Variants in ASMTL observed in about 807,000 individuals in gnomAD.
ASMTL encodes acetylserotonin O-methyltransferase like, also known as probable bifunctional dTTP/UTP pyrophosphatase/methyltransferase protein.
In ASMTL, 57 loss-of-function variants were observed where a neutral mutation model predicts 60.3. The ratio of observed to expected loss-of-function variants is 0.95; its 90% CI spans 0.76 to 1.18. ASMTL has a LOEUF of 1.18. Among genes scored for constraint, ASMTL ranks in the 50% most tolerant of loss-of-function variants. The probability of loss-of-function intolerance (pLI) is 0.00; values close to 1 mark genes in which losing one functional copy is unlikely to be tolerated. For synonymous variants in ASMTL, 419 were observed against 373.0 expected (o/e 1.12, Z -1.42); for missense variants, 981 against 852.6 (o/e 1.15, Z -1.88).
chrX:1,436,639 A>G (rs2090973972), intron 3 of ASMTL, among the ~76,000 whole-genome samples: 1 of 152,180 alleles, frequency 6.6e-6, no homozygotes, highest in South Asian at 2.1e-4. Context: ...GGGGTGAGCC[A>G]CCGCACCCGG....
At chrX:1,404,455 TGGGTAGGTA>T (rs2089725068) in intron 12 of ASMTL, among the ~76,000 whole-genome samples, 1 of 148,126 alleles carries the variant, frequency 6.8e-6, no homozygotes, top group African/African-American at 2.5e-5. Context: ...GGTGAATAGA[TGGGTAGGTA>T]GGTAGATAGA....
chrX:1,406,101 T>G (rs1314431749), intron 12 of ASMTL, among the ~76,000 whole-genome samples: 33 of 99,800 alleles, frequency 3.3e-4, no homozygotes, highest in African/African-American at 8.9e-4. Flanking sequence ...GGTGAATAAA[T>G]GGGTAGGTAG....
intron 1 of ASMTL, among the ~76,000 whole-genome samples, chrX:1,451,745 AG>A (rs2091393692): frequency 1.6e-5 from 2 of 127,344 alleles, no homozygotes; most frequent in African/African-American, 3.1e-5. Flanking sequence ...CCCCATCCCT[AG>A]GGGGGTCTCG....
chrX:1,411,213 GAA>G (rs1261728613), intron 12 of ASMTL, among the ~76,000 whole-genome samples: 3 of 92,118 alleles, frequency 3.3e-5, no homozygotes, highest in Non-Finnish European at 4.3e-5. Context: ...GATACACAGA[GAA>G]AGAGAGAAAG....
At chrX:1,413,065 A>G in intron 11 of ASMTL, 1 of 596,618 alleles carries the variant, frequency 1.7e-6, no homozygotes. Flanking sequence ...GTGCGGTTTG[A>G]CTCGGGCTGA....
chrX:1,433,588 G>A (rs1170530644), intron 5 of ASMTL, among the ~76,000 whole-genome samples: 7 of 151,750 alleles, frequency 4.6e-5, no homozygotes, highest in African/African-American at 1.7e-4. Flanking sequence ...GCTGAGGCAG[G>A]AGAAGGGCGT....
chrX:1,410,620 CT>C (rs1190939347), intron 12 of ASMTL, among the ~76,000 whole-genome samples: 1 of 152,038 alleles, frequency 6.6e-6, no homozygotes, highest in East Asian at 1.9e-4. Context: ...CACCACGTGG[CT>C]TAGGCTGGTC....
intron 6 of ASMTL, among the ~76,000 whole-genome samples, chrX:1,429,103 C>T (rs1215239823): frequency 6.6e-6 from 1 of 151,758 alleles, no homozygotes; most frequent in African/African-American, 2.4e-5. Flanking sequence ...CCATGTTGGC[C>T]ACGATGGTCT....
At chrX:1,448,413 G>A (rs1359027945) in intron 1 of ASMTL, among the ~76,000 whole-genome samples, 15 of 130,252 alleles carry the variant, frequency 1.2e-4, no homozygotes, top group South Asian at 2.6e-4. Context: ...TCTTGGACAC[G>A]CCACCATCTT....
At chrX:1,411,806 CTTTTTTTTTTTTT>C (rs756437483) in intron 12 of ASMTL, among the ~76,000 whole-genome samples, 4 of 86,142 alleles carry the variant, frequency 4.6e-5, no homozygotes, top group Admixed American at 1.5e-4. Flanking sequence ...TTAGGATTTT[CTTTTTTTTTTTTT>C]TTTTTTTTTT....
At chrX:1,419,139 G>T in intron 9 of ASMTL, 25 bp from the exon 10 acceptor site, 2 of 1,609,210 alleles carry the variant, frequency 1.2e-6, no homozygotes, top group African/African-American at 1.3e-5. Flanking sequence ...GTGCTTAGGG[G>T]CACCAGAGAA....
chrX:1,448,314 C>A (rs1439869429), intron 1 of ASMTL, among the ~76,000 whole-genome samples: 6 of 150,826 alleles, frequency 4.0e-5, no homozygotes, highest in Admixed American at 4.0e-4. Flanking sequence ...GCACCACCAT[C>A]TTGGACACAC....
chrX:1,410,361 A>G (rs775304021), intron 12 of ASMTL, among the ~76,000 whole-genome samples: 87 of 151,364 alleles, frequency 5.7e-4, no homozygotes, highest in African/African-American at 1.9e-3. Context: ...AACTATGATG[A>G]CAACACTGCA....
At chrX:1,435,518 G>C (rs1569534131) in intron 4 of ASMTL, 176 bp downstream of exon 4, 2 of 671,910 alleles carry the variant, frequency 3.0e-6, no homozygotes, top group Non-Finnish European at 5.5e-6. Context: ...ACAAGGATGA[G>C]CATGGAGGGA....
intron 7 of ASMTL, among the ~76,000 whole-genome samples, chrX:1,426,058 G>C (rs1264467041): frequency 6.6e-6 from 1 of 152,042 alleles, no homozygotes; most frequent in Non-Finnish European, 1.5e-5. Flanking sequence ...AGGTCATTTG[G>C]GTGGACCCTA....
chrX:1,434,101 G>A (rs1227730984), intron 5 of ASMTL, among the ~76,000 whole-genome samples: 5 of 152,130 alleles, frequency 3.3e-5, no homozygotes, highest in East Asian at 3.9e-4. Context: ...TGAATTCTAC[G>A]ATGCCTCCTG....
intron 5 of ASMTL, 39 bp downstream of exon 5, chrX:1,434,983 C>G: frequency 6.2e-7 from 1 of 1,611,924 alleles, no homozygotes; most frequent in Non-Finnish European, 8.5e-7. Flanking sequence ...GTCCTTGTCT[C>G]GGCCTCTGGG....
chrX:1,432,054 C>A (rs1247261144), intron 6 of ASMTL: 1 of 595,032 alleles, frequency 1.7e-6, no homozygotes, highest in South Asian at 2.0e-5. Context: ...TCCCACCCTG[C>A]CCCTCTCTGT....
chrX:1,412,048 C>T, intron 12 of ASMTL, among the ~76,000 whole-genome samples: 1 of 151,814 alleles, frequency 6.6e-6, no homozygotes, highest in East Asian at 2.0e-4. Flanking sequence ...AACCCCCGAC[C>T]TCAGGTGATC....
Sources: gnomAD v4.1 joint callset for allele counts (sites outside exome capture counted in the v4.1 genomes callset) on GRCh38, gnomAD v4.1.1 for gene constraint, MANE v1.5 for transcripts, NCBI Gene and HGNC (gene_info 2026-07-23, HGNC 2026-07-21) for gene names.